The following STYXL1 variants were observed in gnomAD, a reference collection of about 807,000 sequenced individuals.
STYXL1 encodes the protein serine/threonine/tyrosine-interacting-like protein 1.
STYXL1 carries 32 observed loss-of-function variants against 36.4 expected under a neutral mutation model. That is an observed-to-expected ratio of 0.88 (90% CI 0.66 to 1.18). The LOEUF is 1.18. STYXL1 is among the 50% of genes most tolerant of loss of function. STYXL1 has a pLI of 0.00. For synonymous variants in STYXL1, 133 were observed against 144.1 expected, an observed-to-expected ratio of 0.92 and a Z score of 0.55; for missense variants, 354 against 394.1, an observed-to-expected ratio of 0.90 and a Z score of 0.86.
At chr7:76,019,836 G>A (rs1160917739) in intron 4 of STYXL1, among the ~76,000 whole-genome samples, 1 of 149,672 alleles carries the variant, frequency 6.7e-6, no homozygotes, top group Non-Finnish European at 1.5e-5. Flanking sequence ...GCTCATGCCT[G>A]TAATCCATGC....
intron 3 of STYXL1, among the ~76,000 whole-genome samples, chr7:76,026,524 C>T (rs1794744458): frequency 6.6e-6 from 1 of 152,146 alleles, no homozygotes; most frequent in South Asian, 2.1e-4. Flanking sequence ...TCAAGCAATC[C>T]TCCTGCTTCG....
chr7:75,996,629 C>A, intron 8 of STYXL1, 30 bp from the exon 9 acceptor site: 1 of 1,610,804 alleles, frequency 6.2e-7, no homozygotes, highest in Non-Finnish European at 8.5e-7. Flanking sequence ...AAGTGAACTT[C>A]ACGATTGGTC....
intron 8 of STYXL1, chr7:76,000,572 C>T: frequency 2.0e-6 from 1 of 494,590 alleles, no homozygotes; most frequent in South Asian, 1.5e-5. Context: ...TGTGCTGCAG[C>T]TCTGGGACTC....
intron 5 of STYXL1, among the ~76,000 whole-genome samples, chr7:76,007,193 G>A (rs943414676): frequency 3.3e-5 from 5 of 152,068 alleles, no homozygotes; most frequent in East Asian, 2.0e-4. Context: ...TTGGGAGGCC[G>A]AGGCAGGCGC....
chr7:76,012,441 T>C (rs1792674897), intron 5 of STYXL1, among the ~76,000 whole-genome samples: 2 of 152,024 alleles, frequency 1.3e-5, no homozygotes, highest in African/African-American at 4.8e-5. Context: ...TCACACAGGC[T>C]GGAGTGCAGT....
At chr7:76,035,548 C>A (rs1795831250) in intron 1 of STYXL1, among the ~76,000 whole-genome samples, 1 of 149,784 alleles carries the variant, frequency 6.7e-6, no homozygotes, top group Admixed American at 6.7e-5. Context: ...TCTGGACCTG[C>A]CATCATACTT....
At position 76,023,390 on chromosome 7, in the gene STYXL1, G is replaced by T. The variant is rs371666885; in HGVS notation, c.166-1398C>A. On this transcript the variant is annotated intron_variant, in intron 3 of 8. Coordinates refer to ENST00000359697, the MANE Select transcript of STYXL1 (RefSeq NM_001317785.2). ...GATATTATTTTATTTTAGAGACAGG[G>T]TCTCACTCTGTTGCCCAGGCTGGAC... Among the ~76,000 whole-genome samples, 194 of 152,154 alleles carry T rather than the reference G, an allele frequency of 1.3e-3. 8 individuals are homozygous for T. In the South Asian group the frequency reaches 0.036, roughly 28 times the overall value.
chr7:75,996,694 A>G, intron 8 of STYXL1, 95 bp from the exon 9 acceptor site: 1 of 1,223,832 alleles, frequency 8.2e-7, no homozygotes, highest in Non-Finnish European at 1.2e-6. Flanking sequence ...AGGCACTTGC[A>G]CAGTGCCAGC....
chr7:76,002,120 C>T lies in STYXL1; in HGVS notation c.698-1118G>A, dbSNP rs143053257. 1.6e-3 allele frequency among the ~76,000 whole-genome samples: 239 copies of T among 152,130 alleles called. 1 individual carries two copies. The highest frequency in any genetic ancestry group is 6.8e-3 in the Middle Eastern group (2 of 294). ...ACCATATCCAGCTAACTTTTTTGTA[C>T]AGATGGGGTCTCACAATGTTGCCCG... On this transcript the variant is annotated intron_variant, in intron 7 of 8. Transcript: ENST00000359697.
intron 4 of STYXL1, among the ~76,000 whole-genome samples, chr7:76,014,534 G>T (rs1435567988): frequency 1.3e-5 from 2 of 151,534 alleles, no homozygotes; most frequent in African/African-American, 4.9e-5. Context: ...GTATTGTTTT[G>T]TAGAGACAGT....
chr7:76,029,749 G>A (rs782338497), intron 2 of STYXL1, among the ~76,000 whole-genome samples: 9 of 152,106 alleles, frequency 5.9e-5, no homozygotes, highest in Admixed American at 1.3e-4. Context: ...TTCTCACAAG[G>A]AGAGCGCAAC....
intron 4 of STYXL1, among the ~76,000 whole-genome samples, chr7:76,014,207 T>C (rs11770132): frequency 0.27 from 40,435 of 151,872 alleles, 6,911 homozygotes; most frequent in Non-Finnish European, 0.39. Flanking sequence ...ACTCCTCAGC[T>C]CAGGTGATCC....
At position 76,041,634 on chromosome 7, in the gene STYXL1, C is replaced by T. The variant is rs907597523; in HGVS notation, c.-5+6028G>A. ...TGCAGATGCAGCCCTCACCAGAAGC[C>T]GACCAGATGCAGCTACCCAATCTGG... On this transcript the variant is annotated intron_variant, in intron 1 of 8. Coordinates refer to ENST00000359697, the MANE Select transcript of STYXL1 (RefSeq NM_001317785.2). Among the ~76,000 whole-genome samples, 8 of 152,158 alleles carry T rather than the reference C, an allele frequency of 5.3e-5. No homozygotes were observed. In the East Asian group the frequency reaches 1.2e-3, roughly 22 times the overall value.
intron 1 of STYXL1, among the ~76,000 whole-genome samples, chr7:76,042,094 G>T (rs1255808960): frequency 6.6e-6 from 1 of 152,184 alleles, no homozygotes; most frequent in Admixed American, 6.5e-5. Context: ...ATGTGTGTGA[G>T]TCTGTGTATA....
intron 1 of STYXL1, among the ~76,000 whole-genome samples, chr7:76,041,189 A>T (rs1407828297): frequency 6.6e-6 from 1 of 152,136 alleles, no homozygotes; most frequent in East Asian, 1.9e-4. Flanking sequence ...AAAAAAAAAA[A>T]AAAACTAAAT....
chr7:76,038,247 G>T (rs1796111854), intron 1 of STYXL1, among the ~76,000 whole-genome samples: 1 of 148,832 alleles, frequency 6.7e-6, no homozygotes, highest in Admixed American at 6.7e-5. Context: ...TAGAGACAGG[G>T]TCTCGCTTCC....
intron 2 of STYXL1, among the ~76,000 whole-genome samples, chr7:76,029,307 C>T (rs1004773994): frequency 1.3e-5 from 2 of 151,600 alleles, no homozygotes; most frequent in Non-Finnish European, 2.9e-5. Flanking sequence ...CCACCACACC[C>T]GGCTAATTTT....
At chr7:76,033,889 A>G (rs1471596234) in intron 1 of STYXL1, among the ~76,000 whole-genome samples, 2 of 152,116 alleles carry the variant, frequency 1.3e-5, no homozygotes, top group Non-Finnish European at 2.9e-5. Context: ...GCGATTCACT[A>G]TCAGCTGCCT....
intron 7 of STYXL1, among the ~76,000 whole-genome samples, chr7:76,001,712 C>A (rs1009044226): frequency 6.6e-6 from 1 of 151,476 alleles, no homozygotes; most frequent in Admixed American, 6.6e-5. Flanking sequence ...CCAGGCTGGT[C>A]TCCAACTCCA....
Sources: allele counts gnomAD v4.1 joint callset (sites outside exome capture counted in the v4.1 genomes callset), GRCh38; gene constraint gnomAD v4.1.1; transcripts MANE v1.5; gene names NCBI Gene and HGNC (gene_info 2026-07-23, HGNC 2026-07-21).